The following GABRB2 variants were observed in gnomAD, a reference collection of about 807,000 sequenced individuals.
GABRB2 encodes gamma-aminobutyric acid type A receptor subunit beta2.
GABRB2 carries 16 observed loss-of-function variants against 54.7 expected under a neutral mutation model. That is an observed-to-expected ratio of 0.29 (90% CI 0.20 to 0.44). The LOEUF (loss-of-function observed/expected upper bound fraction) is 0.44, where lower values mean the gene tolerates loss of function less well. Among genes scored for constraint, GABRB2 ranks in the 20% least tolerant of loss-of-function variants. GABRB2 has a pLI of 1.00. For synonymous variants in GABRB2, 244 were observed against 233.8 expected (o/e 1.04, Z -0.40); for missense variants, 355 against 644.0 (o/e 0.55, Z 4.86).
intron 5 of GABRB2, among the ~76,000 whole-genome samples, chr5:161,396,497 C>T (rs1312384264): frequency 6.6e-6 from 1 of 152,148 alleles, no homozygotes; most frequent in Non-Finnish European, 1.5e-5. Flanking sequence ...TAATGAATCC[C>T]TTCTGTGGCT....
intron 5 of GABRB2, among the ~76,000 whole-genome samples, chr5:161,378,038 T>G (rs1180197810): frequency 6.6e-6 from 1 of 152,132 alleles, no homozygotes; most frequent in Admixed American, 6.6e-5. Context: ...ACTGAAAATC[T>G]AGTCAGAGTT....
intron 4 of GABRB2, among the ~76,000 whole-genome samples, chr5:161,442,393 G>A (rs1757493899): frequency 6.6e-6 from 1 of 152,178 alleles, no homozygotes; most frequent in African/African-American, 2.4e-5. Flanking sequence ...GTGATGATGA[G>A]GTACCCACTC....
At chr5:161,546,295 G>A in intron 2 of GABRB2, 27 bp downstream of exon 2, 7 of 1,587,154 alleles carry the variant, frequency 4.4e-6, no homozygotes, top group Non-Finnish European at 6.1e-6. Flanking sequence ...GCTGTGGCTG[G>A]ACTTATTTGC....
At chr5:161,467,255 C>T (rs568653340) in intron 3 of GABRB2, among the ~76,000 whole-genome samples, 15 of 152,190 alleles carry the variant, frequency 9.9e-5, no homozygotes, top group Admixed American at 1.3e-4. Flanking sequence ...TGCTATCAGG[C>T]TTTTGTAATT....
At chr5:161,324,798 A>G (rs1469157802) in intron 9 of GABRB2, among the ~76,000 whole-genome samples, 1 of 152,164 alleles carries the variant, frequency 6.6e-6, no homozygotes, top group African/African-American at 2.4e-5. Flanking sequence ...GAAAAGTATA[A>G]AAACAAAAGA....
At position 161,435,005 on chromosome 5, in the gene GABRB2, G is replaced by A. The variant is rs144215651; in HGVS notation, c.459-23948C>T. 3.2e-3 allele frequency among the ~76,000 whole-genome samples: 486 copies of A among 152,126 alleles called. 8 individuals carry two copies. The highest frequency in any genetic ancestry group is 1.6e-3 in the Non-Finnish European group (108 of 67,988). ...CAGGTTACTATCATTATCACAATGC[G>A]GTGTTATATAGAGATGTCTGTGTTT... On this transcript the variant is annotated intron_variant, in intron 4 of 9. Coordinates refer to ENST00000393959, the MANE Select transcript of GABRB2 (RefSeq NM_001371727.1).
chr5:161,516,938 GTAACAACTTA>G (rs1235233136), intron 3 of GABRB2, among the ~76,000 whole-genome samples: 2 of 152,118 alleles, frequency 1.3e-5, no homozygotes, highest in Admixed American at 6.6e-5. Context: ...TTTGTATCTA[GTAACAACTTA>G]TACTTTACTT....
chr5:161,481,330 C>T (rs182199653), intron 3 of GABRB2, among the ~76,000 whole-genome samples: 3 of 152,128 alleles, frequency 2.0e-5, no homozygotes, highest in Admixed American at 2.0e-4. Flanking sequence ...TATGTGATCA[C>T]TATTGTCATT....
Position 161,293,278 on chromosome 5 carries a change from G to C in GABRB2, c.*803C>G, listed in dbSNP as rs1580952990. 1 of 152,198 alleles carries C rather than the reference G, an allele frequency of 6.6e-6. No individual in the cohort carries two copies. Among genetic ancestry groups the C allele is most frequent in the South Asian group, 2.1e-4 (1 of 4,826 alleles). The allele number at this position is 152,198 out of a possible 1,614,324, so 9.4% of individuals were successfully genotyped here. On this transcript the variant is annotated 3_prime_UTR_variant, in exon 10 of 10. Coordinates refer to ENST00000393959, the MANE Select transcript of GABRB2 (RefSeq NM_001371727.1). The stretch of plus-strand genomic sequence containing the variant: ...CCAGATGCTGTGTGGAGCTGATAAG[G>C]GTCATGCTTTCTTGCTTGCTTGCTT...
intron 3 of GABRB2, among the ~76,000 whole-genome samples, chr5:161,468,903 C>A (rs1209790892): frequency 6.6e-6 from 1 of 151,664 alleles, no homozygotes; most frequent in African/African-American, 2.4e-5. Context: ...AAACATAGTA[C>A]AAATATATAA....
At chr5:161,547,488 T>TA (rs1327856839), upstream of GABRB2, among the ~76,000 whole-genome samples, 2 of 152,052 alleles carry the variant, frequency 1.3e-5, no homozygotes, top group Non-Finnish European at 2.9e-5. Context: ...CTTTGCCCCC[T>TA]ATTCCCAGAG....
chr5:161,289,172 A>T lies in GABRB2; in HGVS notation c.*4909T>A, dbSNP rs10214094. ...AAAATTTGATGTCAGAATTTTGAAT[A>T]TATCTACAGAAATATTTTACTTCAA... is the stretch of plus-strand genomic sequence containing the variant. On this transcript the variant is annotated 3_prime_UTR_variant, in exon 10 of 10. Transcript: ENST00000393959. 6.6e-6 allele frequency: 1 copy of T among 151,434 alleles called. No homozygotes were observed. Among genetic ancestry groups the T allele is most frequent in the Admixed American group, 6.6e-5 (1 of 15,204 alleles). The allele number at this position is 151,434 out of a possible 1,614,324, so 9.4% of individuals were successfully genotyped here.
intron 5 of GABRB2, among the ~76,000 whole-genome samples, chr5:161,408,900 T>C (rs780174144): frequency 4.6e-5 from 7 of 152,028 alleles, no homozygotes; most frequent in South Asian, 2.1e-4. Flanking sequence ...GAAGCATCAA[T>C]TGGAGAACCA....
chr5:161,316,079 A>T (rs1050037133), intron 9 of GABRB2, among the ~76,000 whole-genome samples: 5 of 152,208 alleles, frequency 3.3e-5, no homozygotes, highest in African/African-American at 1.2e-4. Flanking sequence ...AACTGAAAGG[A>T]GGTAATGAGA....
chr5:161,517,348 A>G (rs1296236232), intron 3 of GABRB2, among the ~76,000 whole-genome samples: 3 of 152,156 alleles, frequency 2.0e-5, no homozygotes, highest in East Asian at 3.9e-4. Flanking sequence ...CTCCAAAAAT[A>G]TATTTGTGTA....
At chr5:161,520,218 TG>T (rs1338805862) in intron 3 of GABRB2, among the ~76,000 whole-genome samples, 1 of 152,144 alleles carries the variant, frequency 6.6e-6, no homozygotes, top group Non-Finnish European at 1.5e-5. Context: ...CACCTGCCCC[TG>T]GTAGTAGGTT....
chr5:161,321,329 A>C (rs1025272917), intron 9 of GABRB2, among the ~76,000 whole-genome samples: 3 of 152,098 alleles, frequency 2.0e-5, no homozygotes, highest in Non-Finnish European at 4.4e-5. Context: ...TTACATCATA[A>C]GATTATTCTG....
At chr5:161,458,148 C>T (rs776424938) in intron 4 of GABRB2, among the ~76,000 whole-genome samples, 3 of 152,058 alleles carry the variant, frequency 2.0e-5, no homozygotes, top group African/African-American at 7.3e-5. Flanking sequence ...ACATGGTCAC[C>T]CTCTCATCAA....
At chr5:161,501,801 T>C (rs1759454163) in intron 3 of GABRB2, among the ~76,000 whole-genome samples, 1 of 151,174 alleles carries the variant, frequency 6.6e-6, no homozygotes, top group Non-Finnish European at 1.5e-5. Context: ...ATAAGTTAAA[T>C]AACCTAAAAA....
Sources: gnomAD v4.1 joint callset for allele counts (sites outside exome capture counted in the v4.1 genomes callset) on GRCh38, gnomAD v4.1.1 for gene constraint, MANE v1.5 for transcripts, NCBI Gene and HGNC (gene_info 2026-07-23, HGNC 2026-07-21) for gene names.